The following BMPR1B variants were observed in gnomAD, a reference collection of about 807,000 sequenced individuals.
The protein encoded by BMPR1B is bone morphogenetic protein receptor type-1B.
BMPR1B carries 12 observed loss-of-function variants against 59.1 expected under a neutral mutation model. The ratio of observed to expected loss-of-function variants is 0.20; its 90% CI spans 0.13 to 0.33. The LOEUF (loss-of-function observed/expected upper bound fraction) is 0.33, where lower values mean the gene tolerates loss of function less well. Ranked by LOEUF, BMPR1B falls within the 10% of genes least tolerant of loss-of-function variation. The pLI, the probability that BMPR1B is intolerant of heterozygous loss-of-function variation, is 1.00. For synonymous variants in BMPR1B, 237 were observed against 207.3 expected (o/e 1.14, Z -1.23); for missense variants, 550 against 610.9 (o/e 0.90, Z 1.05).
chr4:94,987,099 CTATATA>C (rs56810393), intron 2 of BMPR1B, among the ~76,000 whole-genome samples: 136,404 of 143,628 alleles, frequency 0.95, 64,848 homozygotes, highest in Middle Eastern at 0.99. Context: ...ATTATATATA[CTATATA>C]TGTATATATA....
At chr4:95,048,903 G>C (rs1216555932) in intron 3 of BMPR1B, among the ~76,000 whole-genome samples, 1 of 152,090 alleles carries the variant, frequency 6.6e-6, no homozygotes, top group East Asian at 1.9e-4. Flanking sequence ...CCCCTTCATT[G>C]TTGGCACCTA....
intron 2 of BMPR1B, among the ~76,000 whole-genome samples, chr4:94,924,510 A>G (rs189566501): frequency 2.0e-4 from 31 of 152,240 alleles, no homozygotes; most frequent in Middle Eastern, 6.8e-3. Context: ...TATGATAAAG[A>G]GTGGGGACAG....
intron 1 of BMPR1B, among the ~76,000 whole-genome samples, chr4:94,770,853 A>G (rs1056045745): frequency 6.7e-6 from 1 of 149,818 alleles, no homozygotes; most frequent in African/African-American, 2.5e-5. Flanking sequence ...GAGGCTCTAC[A>G]CAAGTTTTAA....
At chr4:95,055,219 T>TC (rs950208916) in intron 3 of BMPR1B, among the ~76,000 whole-genome samples, 2 of 152,162 alleles carry the variant, frequency 1.3e-5, no homozygotes, top group African/African-American at 4.8e-5. Flanking sequence ...TCCATAGGTT[T>TC]CCTATTGTCA....
At chr4:94,957,342 T>G (rs1432828740) in intron 2 of BMPR1B, among the ~76,000 whole-genome samples, 4 of 142,252 alleles carry the variant, frequency 2.8e-5, no homozygotes, top group Admixed American at 1.4e-4. Context: ...TGTTTTTTTT[T>G]TTTTTTTTTT....
chr4:94,898,673 AT>A lies in BMPR1B; in HGVS notation c.-113+22776del, dbSNP rs1250992673. Reference sequence around the variant, plus strand: ...CTTTGTAAATTACCCAGTCTCAGATATTTCTTCATAGCAGTATGAGAACAGA... The same window carrying A: ...CTTTGTAAATTACCCAGTCTCAGATATTCTTCATAGCAGTATGAGAACAGA... On this transcript the variant is annotated intron_variant, in intron 2 of 12. Coordinates refer to ENST00000515059, the MANE Select transcript of BMPR1B (RefSeq NM_001203.3). 4.6e-5 allele frequency among the ~76,000 whole-genome samples: 7 copies of A among 151,456 alleles called. No individual in the cohort carries two copies. In the East Asian group the frequency reaches 1.4e-3, roughly 29 times the overall value.
intron 3 of BMPR1B, among the ~76,000 whole-genome samples, chr4:95,032,360 G>A (rs1192701606): frequency 6.6e-6 from 1 of 152,038 alleles, no homozygotes; most frequent in Admixed American, 6.6e-5. Context: ...CTAATTCTGT[G>A]ATAGGGTCCT....
At chr4:94,784,199 T>C (rs985141970) in intron 1 of BMPR1B, among the ~76,000 whole-genome samples, 5 of 152,212 alleles carry the variant, frequency 3.3e-5, no homozygotes, top group Non-Finnish European at 7.3e-5. Flanking sequence ...ACTGCCATTC[T>C]AGAAGTGGAT....
At chr4:94,922,055 C>T (rs1728709794) in intron 2 of BMPR1B, among the ~76,000 whole-genome samples, 1 of 152,120 alleles carries the variant, frequency 6.6e-6, no homozygotes, top group Non-Finnish European at 1.5e-5. Flanking sequence ...TTACTGCAGC[C>T]TCGACCTTCT....
intron 3 of BMPR1B, among the ~76,000 whole-genome samples, chr4:95,076,403 A>C (rs1728708524): frequency 6.6e-6 from 1 of 152,102 alleles, no homozygotes; most frequent in African/African-American, 2.4e-5. Flanking sequence ...TTCTTCAAAA[A>C]TTTGCAAGAC....
intron 2 of BMPR1B, among the ~76,000 whole-genome samples, chr4:94,918,045 G>T (rs1253250505): frequency 6.6e-6 from 1 of 152,052 alleles, no homozygotes; most frequent in Non-Finnish European, 1.5e-5. Context: ...ATGAGTAAAA[G>T]TTCCCTGAGG....
At chr4:94,826,119 T>G (rs555623954) in intron 1 of BMPR1B, among the ~76,000 whole-genome samples, 1 of 152,320 alleles carries the variant, frequency 6.6e-6, no homozygotes, top group South Asian at 2.1e-4. Flanking sequence ...GGCCAGTCAA[T>G]AGATAAATTG....
intron 2 of BMPR1B, among the ~76,000 whole-genome samples, chr4:94,975,357 G>GTTTTTTTTTTTTTTTTTTTTTTTTTTT (rs1177887549): frequency 1.1e-5 from 1 of 94,220 alleles, no homozygotes. Context: ...ATTTCCTTTT[G>GTTTTTTTTTTTTTTTTTTTTTTTTTTT]TTTTTGTTTT....
intron 1 of BMPR1B, among the ~76,000 whole-genome samples, chr4:94,761,415 C>CTGTGTGTGTGTGTGTGTG (rs57447983): frequency 7.1e-6 from 1 of 141,208 alleles, no homozygotes; most frequent in Non-Finnish European, 1.5e-5. Context: ...CTGTATAATT[C>CTGTGTGTGTGTGTGTGTG]TGTGTGTGTG....
chr4:94,831,572 T>C (rs1388723487), intron 1 of BMPR1B, among the ~76,000 whole-genome samples: 1 of 152,200 alleles, frequency 6.6e-6, no homozygotes, highest in Non-Finnish European at 1.5e-5. Flanking sequence ...CCTGTACAAG[T>C]GTACCATTTT....
chr4:94,974,754 A>G (rs1323588815), intron 2 of BMPR1B, among the ~76,000 whole-genome samples: 1 of 152,188 alleles, frequency 6.6e-6, no homozygotes, highest in African/African-American at 2.4e-5. Context: ...TATGTCCCCA[A>G]ATCTCCTAGC....
At chr4:94,957,887 AT>A (rs2149062825) in intron 2 of BMPR1B, among the ~76,000 whole-genome samples, 1 of 151,404 alleles carries the variant, frequency 6.6e-6, no homozygotes, top group Non-Finnish European at 1.5e-5. Flanking sequence ...TATCACTCAT[AT>A]TTGATATGAA....
chr4:94,898,696 C>T (rs1157078093), intron 2 of BMPR1B, among the ~76,000 whole-genome samples: 1 of 127,256 alleles, frequency 7.9e-6, no homozygotes, highest in Non-Finnish European at 1.6e-5. Context: ...AGTATGAGAA[C>T]AGACTAATAT....
At chr4:94,759,853 AGTAGTGAT>A (rs770575733) in intron 1 of BMPR1B, among the ~76,000 whole-genome samples, 3 of 152,244 alleles carry the variant, frequency 2.0e-5, no homozygotes, top group Non-Finnish European at 4.4e-5. Flanking sequence ...AGCAGATCAT[AGTAGTGAT>A]GTCTTTTTAT....
Sources: gnomAD v4.1 joint callset for allele counts (sites outside exome capture counted in the v4.1 genomes callset) on GRCh38, gnomAD v4.1.1 for gene constraint, MANE v1.5 for transcripts, NCBI Gene and HGNC (gene_info 2026-07-23, HGNC 2026-07-21) for gene names.